The following PKD1 variants were observed in gnomAD, a reference collection of about 807,000 sequenced individuals.
The protein encoded by PKD1 is polycystin-1.
A neutral mutation model predicts 361.7 loss-of-function variants in PKD1; 81 were observed. The ratio of observed to expected loss-of-function variants is 0.22; its 90% CI spans 0.19 to 0.27. The LOEUF (loss-of-function observed/expected upper bound fraction) is 0.27. PKD1 is among the 10% of genes least tolerant of loss of function. PKD1 has a pLI of 1.00. For missense variants in PKD1, 6,399 were observed against 6,118.3 expected, an observed-to-expected ratio of 1.05 and a Z score of -1.53; for synonymous variants, 3,615 against 2,818.3, an observed-to-expected ratio of 1.28 and a Z score of -8.95.
Position 2,097,415 on chromosome 16 carries a change from G to T in PKD1, c.10309C>A (p.Leu3437Met), listed in dbSNP as rs756485613. ...CCATGGCCCGCCTGGCCCCGTGCCAGCTGCCGCAGATTGCTACCCACAATG... is the reference window on the plus strand; with the variant it reads ...CCATGGCCCGCCTGGCCCCGTGCCATCTGCCGCAGATTGCTACCCACAATG... ...PSIVGSNLRQ[L>M]ARGQAGHGLG... is the part of the protein sequence containing the mutation. The change falls in exon 33 of 46, where the codon CTG becomes ATG. Residue 3437 changes from leucine to methionine, a missense_variant. Leu to Met is a conservative substitution (Grantham distance 15, BLOSUM62 2). Coordinates refer to ENST00000262304, the MANE Select transcript of PKD1 (RefSeq NM_001009944.3). The T allele has an allele frequency of 3.7e-6, 6 of 1,609,214 alleles. No homozygotes were observed. The East Asian group carries it at 1.3e-4, about 36-fold the overall frequency.
rs764098762 is a variant in PKD1, at chr16:2,114,770, C to T, written c.2253G>A (p.Leu751=). The T allele has an allele frequency of 2.1e-6, 3 of 1,401,002 alleles. No homozygotes were observed. Among genetic ancestry groups the T allele is most frequent in the Non-Finnish European group, 2.9e-6 (3 of 1,026,360 alleles). 86.8% of individuals were successfully genotyped at this position (1,401,002 alleles called of 1,614,324 possible). A position where few individuals can be genotyped will look rare whatever the true frequency, so the allele number is the denominator to read the frequency against. ...CCTCCAGCTGGGCTGGCAAGTGGGGCAGCCATGACGAGGCGTTGGCGGAGA... is the reference window on the plus strand; with the variant it reads ...CCTCCAGCTGGGCTGGCAAGTGGGGTAGCCATGACGAGGCGTTGGCGGAGA... ...PYLSANASSW[L]PHLPAQLEGT... is the part of the protein sequence containing the mutation. Residue 751 remains leucine (L), a synonymous_variant, in exon 11 of 46, where the codon CTG becomes CTA. Transcript: ENST00000262304.
Position 2,109,595 on chromosome 16 carries a change from C to G in PKD1, c.5572G>C (p.Asp1858His). 2 of 1,611,142 alleles carry G rather than the reference C, an allele frequency of 1.2e-6. No homozygotes were observed. The highest frequency in any genetic ancestry group is 1.7e-6 in the Non-Finnish European group (2 of 1,179,326). Residue 1858 changes from aspartate (D) to histidine (H), a missense_variant, in exon 15 of 46, where the codon GAT (aspartate) becomes CAT (histidine). Transcript: ENST00000262304. Reference protein sequence around the residue: ...RGPHVTMVFPDAGTFSIRLNA... With the variant: ...RGPHVTMVFPHAGTFSIRLNA... ...AGCCGGATGGAGAAGGTGCCAGCATCCGGGAAGACCATGGTGACATGAGGG... is the reference window on the plus strand; with the variant it reads ...AGCCGGATGGAGAAGGTGCCAGCATGCGGGAAGACCATGGTGACATGAGGG...
intron 21 of PKD1, among the ~76,000 whole-genome samples, 192 bp from the exon 22 acceptor site, chr16:2,104,834 C>A (rs201165743): frequency 2.9e-4 from 39 of 135,186 alleles, no homozygotes; most frequent in Non-Finnish European, 4.1e-4. Flanking sequence ...CACCTGGGGA[C>A]CACGTGATGC....
At chr16:2,126,170 G>A (rs368466644) in intron 1 of PKD1, among the ~76,000 whole-genome samples, 7 of 152,240 alleles carry the variant, frequency 4.6e-5, no homozygotes, top group Non-Finnish European at 7.3e-5. Context: ...CCAGGGCCAC[G>A]ATGCACAGTG....
chr16:2,111,784 G>A lies in PKD1; in HGVS notation c.3383C>T (p.Ser1128Phe), dbSNP rs1309399727. 1.2e-6 allele frequency: 2 copies of A among 1,608,642 alleles called. No individual in the cohort carries two copies. Among genetic ancestry groups the A allele is most frequent in the Non-Finnish European group, 8.5e-7 (1 of 1,178,912 alleles). The change falls in exon 15 of 46, where the codon TCC becomes TTC. Residue 1128 changes from serine to phenylalanine, a missense_variant. Ser to Phe is a radical substitution (Grantham distance 155). Coordinates refer to ENST00000262304, the MANE Select transcript of PKD1 (RefSeq NM_001009944.3). Reference protein sequence around the residue: ...VPVSVRASLPSVAVGVSDGVL... With the variant: ...VPVSVRASLPFVAVGVSDGVL... ...GCCGTCACTCACACCCACAGCCACG[G>A]AGGGCAGGGAGGCGCGCACGCTCAC...
Position 2,116,529 on chromosome 16 carries a change from CT to C in PKD1, c.1721del (p.Glu574GlyfsTer10). 1 of 1,510,602 alleles carries C rather than the reference CT, an allele frequency of 6.6e-7. No individual in the cohort carries two copies. The allele number at this position is 1,510,602 out of a possible 1,614,324, so 93.6% of individuals were successfully genotyped here. On this transcript the variant is annotated frameshift_variant and splice_region_variant, in exon 8 of 46. Coordinates refer to ENST00000262304, the MANE Select transcript of PKD1 (RefSeq NM_001009944.3). LOFTEE classifies it high-confidence loss of function. ...DGLSAPHEPV[E>X]VMVFPGLRLS... ...TTGTAGAACGTGGGGGGCCGACTAC[CT>C]CCACGGGCTCGTGCGGGGCTGAGAG...
rs1281821418 is a variant in PKD1, at chr16:2,102,097, C to T, written c.9361G>A (p.Glu3121Lys). The change falls in exon 26 of 46, where the codon GAG becomes AAG. Residue 3121 changes from glutamate (E) to lysine (K), a missense_variant. Glu to Lys is a moderately conservative substitution (Grantham distance 56). Transcript: ENST00000262304. ...CCCCAGCCTGTCTTGACGAGGATCT[C>T]GTACTTGAAGCGGCCCCGCTGCCCA... ...FCGQRGRFKY[E>K]ILVKTGWGRG... The T allele has an allele frequency of 2.5e-6, 4 of 1,572,270 alleles. No individual in the cohort carries two copies. Among genetic ancestry groups the T allele is most frequent in the Non-Finnish European group, 3.5e-6 (4 of 1,154,948 alleles).
chr16:2,121,272 G>A (rs2092716037), intron 1 of PKD1, among the ~76,000 whole-genome samples: 1 of 151,968 alleles, frequency 6.6e-6, no homozygotes, highest in Admixed American at 6.6e-5. Flanking sequence ...GGCTTAGGCA[G>A]GAGAATCACT....
rs781421943 is a variant in PKD1, at chr16:2,088,755, G to A, written c.*972C>T. 5 of 1,178,222 alleles carry A rather than the reference G, an allele frequency of 4.2e-6. No homozygotes were observed. Among genetic ancestry groups the A allele is most frequent in the East Asian group, 2.6e-5 (1 of 38,924 alleles). The allele number at this position is 1,178,222 out of a possible 1,614,324, so 73.0% of individuals were successfully genotyped here. On this transcript the variant is annotated 3_prime_UTR_variant, in exon 46 of 46. Coordinates refer to ENST00000262304, the MANE Select transcript of PKD1 (RefSeq NM_001009944.3). ...TTGACTTTGTCTGCTTGGTGCGGGGGTTGGGGGGGTGTCGAGGCTCTAGAA... is the reference window on the plus strand; with the variant it reads ...TTGACTTTGTCTGCTTGGTGCGGGGATTGGGGGGGTGTCGAGGCTCTAGAA...
chr16:2,132,292 G>A (rs1346791776), intron 1 of PKD1, among the ~76,000 whole-genome samples: 3 of 150,594 alleles, frequency 2.0e-5, no homozygotes, highest in Admixed American at 6.6e-5. Context: ...GACATTGGCC[G>A]GGTGCGGTGG....
chr16:2,090,604 G>T lies in PKD1; in HGVS notation c.12139-14C>A. On this transcript the variant is annotated splice_polypyrimidine_tract_variant and intron_variant, in intron 44 of 45. Transcript: ENST00000262304. ...GGAAGACACGAGCTGCGGGGAAGGC[G>T]ACACCAGTGAGGGCGTACAGCTGAG... 1 of 1,608,316 alleles carries T rather than the reference G, an allele frequency of 6.2e-7. No homozygotes were observed. The highest frequency in any genetic ancestry group is 1.1e-5 in the South Asian group (1 of 91,024).
In PKD1 at chr16:2,102,829, A is replaced by G. The variant is rs1596523677; in HGVS notation, c.8933T>C (p.Phe2978Ser). Residue 2978 changes from phenylalanine (F) to serine (S), a missense_variant, in exon 24 of 46, where the codon TTC (phenylalanine) becomes TCC (serine). By Grantham distance (155) the Phe-to-Ser change is radical (BLOSUM62 -2). Coordinates refer to ENST00000262304, the MANE Select transcript of PKD1 (RefSeq NM_001009944.3). ...CAGAGCTCACCCCGGGGAAATGAAG[A>G]AGGTGTAGGGCCGGTGGTCAGCACC... ...LQGADHRPYT[F>S]FISPGSRDPA... The G allele has an allele frequency of 6.2e-7, 1 of 1,610,066 alleles. No homozygotes were observed. The highest frequency in any genetic ancestry group is 8.5e-7 in the Non-Finnish European group (1 of 1,179,760).
At chr16:2,104,711 C>A (rs987157666) in intron 21 of PKD1, 69 bp from the exon 22 acceptor site, 2 of 876,880 alleles carry the variant, frequency 2.3e-6, no homozygotes, top group Non-Finnish European at 3.6e-6. Flanking sequence ...CCTCTCTACA[C>A]GGGTCCTCAC....
chr16:2,089,749 T>A lies in PKD1; in HGVS notation c.12890A>T (p.Lys4297Met). The A allele has an allele frequency of 1.3e-6, 2 of 1,589,554 alleles. No individual in the cohort carries two copies. The highest frequency in any genetic ancestry group is 1.7e-6 in the Non-Finnish European group (2 of 1,169,790). The change falls in exon 46 of 46, where the codon AAG becomes ATG. Residue 4297 changes from lysine (K) to methionine (M), a missense_variant. Lys to Met is a moderately conservative substitution (Grantham distance 95). Transcript: ENST00000262304. Reference protein sequence around the residue: ...PSRTPLRAKNKVHPSST With the variant: ...PSRTPLRAKNMVHPSST ...GGACTAAGTGCTGCTGGGGTGGACC[T>A]TGTTCTTGGCCCGAAGGGGTGTCCT...
Position 2,110,667 on chromosome 16 carries a change from C to A in PKD1, c.4500G>T (p.Trp1500Cys), listed in dbSNP as rs773515214. 1 of 1,610,262 alleles carries A rather than the reference C, an allele frequency of 6.2e-7. No homozygotes were observed. Among genetic ancestry groups the A allele is most frequent in the East Asian group, 2.2e-5 (1 of 44,874 alleles). ...CGAGCCACCCACCGTCCCCCAGATC[C>A]CACAGGTAGCTGGCGGGGCGCCCAC... is the stretch of plus-strand genomic sequence containing the variant. The part of the protein sequence containing the change: ...VGRGRPASYL[W>C]DLGDGGWLEG... The change falls in exon 15 of 46, where the codon TGG becomes TGT. Residue 1500 changes from tryptophan to cysteine, a missense_variant. Transcript: ENST00000262304.
At chr16:2,120,176 T>C (rs935771387) in intron 1 of PKD1, 11 of 377,548 alleles carry the variant, frequency 2.9e-5, no homozygotes, top group African/African-American at 2.1e-4. Context: ...CGCATCACTG[T>C]ACTCCAGCCT....
chr16:2,103,467 C>T lies in PKD1; in HGVS notation c.8590G>A (p.Glu2864Lys), dbSNP rs374629549. ...ATGGCGCGCTCTGAGGCCAGCCGCT[C>T]GATGGGGATCTGGGCGCCGGCCTGT... ...QTQAGAQIPI[E>K]RLASERAITV... The change falls in exon 23 of 46, where the codon GAG (glutamate) becomes AAG (lysine). Residue 2864 changes from glutamate to lysine, a missense_variant. Physicochemically the swap from Glu to Lys is moderately conservative, Grantham distance 56. Coordinates refer to ENST00000262304, the MANE Select transcript of PKD1 (RefSeq NM_001009944.3). 93 of 1,600,604 alleles carry T rather than the reference C, an allele frequency of 5.8e-5. No homozygotes were observed. Among genetic ancestry groups the T allele is most frequent in the South Asian group, 1.6e-4 (15 of 90,980 alleles).
In PKD1 at chr16:2,100,463, G is replaced by A; in HGVS notation, c.9501C>T (p.Ile3167=). The part of the protein sequence containing the change: ...DRAFHRNSLD[I]FRIATPHSLG... ...GGCTGTGCGGGGTGGCGATCCGGAAGATGTCCAGGCTGTTGCGGTGGAAGG... is the reference window on the plus strand; with the variant it reads ...GGCTGTGCGGGGTGGCGATCCGGAAAATGTCCAGGCTGTTGCGGTGGAAGG... The change falls in exon 27 of 46, where the codon ATC becomes ATT. Residue 3167 remains isoleucine (I), a synonymous_variant. Transcript: ENST00000262304. The surrounding 1 kb of genome is among the most constrained non-coding windows in gnomAD (Gnocchi z 4.4). The A allele has an allele frequency of 1.4e-5, 22 of 1,610,932 alleles. No individual in the cohort carries two copies. Among genetic ancestry groups the A allele is most frequent in the Non-Finnish European group, 1.9e-5 (22 of 1,179,696 alleles).
At position 2,090,207 on chromosome 16, in the gene PKD1, CAG is replaced by C; in HGVS notation, c.12445-15_12445-14del. The stretch of plus-strand genomic sequence containing the variant: ...CTTTGTGGCGGAACTGGGGGCGGCA[CAG>C]GGGCTCAGTCAGTCCGGCTGCACCC... On this transcript the variant is annotated splice_polypyrimidine_tract_variant and intron_variant, in intron 45 of 45. Transcript: ENST00000262304. 6.2e-7 allele frequency: 1 copy of C among 1,607,640 alleles called. No homozygotes were observed. Among genetic ancestry groups the C allele is most frequent in the South Asian group, 1.1e-5 (1 of 90,666 alleles).
Sources: allele counts gnomAD v4.1 joint callset (sites outside exome capture counted in the v4.1 genomes callset), GRCh38; gene constraint gnomAD v4.1.1; non-coding constraint Gnocchi (gnomAD v3.1); transcripts MANE v1.5; gene names NCBI Gene and HGNC (gene_info 2026-07-23, HGNC 2026-07-21).